PID1: variants seen among roughly 807,000 people sequenced by gnomAD.
The protein encoded by PID1 is PTB-containing, cubilin and LRP1-interacting protein.
A neutral mutation model predicts 19.1 loss-of-function variants in PID1; 10 were observed. That is an observed-to-expected ratio of 0.52 (90% CI 0.32 to 0.89). PID1 has a LOEUF of 0.89. PID1 is among the 40% of genes least tolerant of loss of function. The pLI, the probability that PID1 is intolerant of heterozygous loss-of-function variation, is 0.03. For missense variants in PID1, 248 were observed against 285.3 expected, an observed-to-expected ratio of 0.87 and a Z score of 0.94; for synonymous variants, 130 against 116.0, an observed-to-expected ratio of 1.12 and a Z score of -0.78.
chr2:229,150,130 A>T (rs992278358), intron 2 of PID1, among the ~76,000 whole-genome samples: 3 of 151,284 alleles, frequency 2.0e-5, no homozygotes, highest in Admixed American at 1.3e-4. Flanking sequence ...GCTACTCAGG[A>T]GGCTGAAGCA....
chr2:229,193,393 AG>A (rs778401907), intron 1 of PID1, among the ~76,000 whole-genome samples: 3 of 152,174 alleles, frequency 2.0e-5, no homozygotes, highest in Non-Finnish European at 4.4e-5. Flanking sequence ...TGCTGCTCTA[AG>A]GCTTGTTCTG....
At chr2:229,042,393 T>C (rs1466576533) in intron 2 of PID1, among the ~76,000 whole-genome samples, 1 of 152,202 alleles carries the variant, frequency 6.6e-6, no homozygotes, top group Non-Finnish European at 1.5e-5. Flanking sequence ...AGATGAAGAT[T>C]TTCATGAGCA....
intron 1 of PID1, among the ~76,000 whole-genome samples, chr2:229,175,839 A>G (rs575624966): frequency 3.3e-5 from 5 of 152,336 alleles, no homozygotes; most frequent in African/African-American, 1.2e-4. Flanking sequence ...TCCATTCGCC[A>G]CATTTAAATA....
At chr2:229,064,993 C>G (rs565894663) in intron 2 of PID1, among the ~76,000 whole-genome samples, 1 of 152,172 alleles carries the variant, frequency 6.6e-6, no homozygotes, top group East Asian at 1.9e-4. Context: ...CTGGAGTAGC[C>G]TTTTAAGTGA....
At chr2:229,035,506 A>ATGTGTG (rs3083806) in intron 2 of PID1, among the ~76,000 whole-genome samples, 31 of 148,268 alleles carry the variant, frequency 2.1e-4, no homozygotes, top group South Asian at 4.4e-4. Context: ...AATCATTTAT[A>ATGTGTG]TGTGTGTGTG....
At chr2:229,240,293 A>C (rs753720725) in intron 1 of PID1, among the ~76,000 whole-genome samples, 12 of 152,280 alleles carry the variant, frequency 7.9e-5, no homozygotes, top group South Asian at 6.2e-4. Flanking sequence ...ACATTCTGTG[A>C]ATAAAGGATT....
At chr2:229,104,950 GACAGAC>G (rs1455782605) in intron 2 of PID1, among the ~76,000 whole-genome samples, 11 of 152,168 alleles carry the variant, frequency 7.2e-5, no homozygotes, top group African/African-American at 2.7e-4. Context: ...GAAAAATACA[GACAGAC>G]ACAGACACAA....
At chr2:229,174,365 T>A (rs190465119) in intron 1 of PID1, among the ~76,000 whole-genome samples, 3 of 152,166 alleles carry the variant, frequency 2.0e-5, no homozygotes, top group African/African-American at 7.2e-5. Flanking sequence ...CACGGTCAGG[T>A]AATGTAGAAA....
intron 1 of PID1, among the ~76,000 whole-genome samples, chr2:229,210,745 C>CT (rs1207193053): frequency 6.6e-6 from 1 of 151,986 alleles, no homozygotes; most frequent in African/African-American, 2.4e-5. Context: ...CAGCAGTGAA[C>CT]TTTGGCAGTT....
intron 2 of PID1, among the ~76,000 whole-genome samples, chr2:229,044,641 T>C (rs1336727961): frequency 6.6e-6 from 1 of 152,222 alleles, no homozygotes; most frequent in African/African-American, 2.4e-5. Flanking sequence ...AGATAAGTCT[T>C]TGTGCTCATC....
At chr2:229,106,304 C>T (rs1183981349) in intron 2 of PID1, among the ~76,000 whole-genome samples, 1 of 152,082 alleles carries the variant, frequency 6.6e-6, no homozygotes, top group Admixed American at 6.5e-5. Context: ...TCATGATTAC[C>T]ACTTTGAGAG....
rs1358126870 is a variant in PID1, at chr2:229,271,220, C to T, written c.-177G>A. ...GCTGCGAGCAGGAGGAGGCGCGGCG[C>T]TCAGCTGCCGGCAACTTGTGGGCAC... On this transcript the variant is annotated 5_prime_UTR_variant, in exon 1 of 3. Transcript: ENST00000392055. The T allele has an allele frequency of 1.0e-5, 6 of 574,064 alleles. No individual in the cohort carries two copies. The Admixed American group carries it at 1.2e-4, about 12-fold the overall frequency. The allele number at this position is 574,064 out of a possible 1,614,324, so 35.6% of individuals were successfully genotyped here.
rs139242598 is a variant in PID1, at chr2:229,189,115, G to A, written c.31-33151C>T. On this transcript the variant is annotated intron_variant, in intron 1 of 2. Coordinates refer to ENST00000392055, the MANE Select transcript of PID1 (RefSeq NM_001100818.2). ...GTCTATTAACCACATCTCATTTACC[G>A]TCATACACAGCAGCTGGGTGTGGTT... is the stretch of plus-strand genomic sequence containing the variant. Among the ~76,000 whole-genome samples, 286 of 152,258 alleles carry A rather than the reference G, an allele frequency of 1.9e-3. 1 individual carries two copies. Among genetic ancestry groups the A allele is most frequent in the African/African-American group, 6.2e-3 (257 of 41,534 alleles).
chr2:229,196,923 T>C (rs1384099421), intron 1 of PID1, among the ~76,000 whole-genome samples: 4 of 152,032 alleles, frequency 2.6e-5, no homozygotes, highest in Admixed American at 2.6e-4. Context: ...GTAGCATTGA[T>C]ACACTAGTAT....
intron 2 of PID1, among the ~76,000 whole-genome samples, chr2:229,062,271 T>C (rs1694228042): frequency 6.6e-6 from 1 of 151,982 alleles, no homozygotes; most frequent in African/African-American, 2.4e-5. Flanking sequence ...CTTCTGTGGC[T>C]AATTTGCTGA....
At chr2:229,150,044 C>T (rs753468764) in intron 2 of PID1, among the ~76,000 whole-genome samples, 6 of 151,896 alleles carry the variant, frequency 4.0e-5, no homozygotes, top group Non-Finnish European at 8.8e-5. Context: ...GCGAGACCAG[C>T]CTGGCCAACA....
chr2:229,054,602 C>T (rs1331700488), intron 2 of PID1, among the ~76,000 whole-genome samples: 1 of 151,312 alleles, frequency 6.6e-6, no homozygotes, highest in African/African-American at 2.4e-5. Context: ...GGTACATTGT[C>T]TAGACCCTAG....
chr2:229,188,096 C>T (rs908278685), intron 1 of PID1, among the ~76,000 whole-genome samples: 4 of 152,116 alleles, frequency 2.6e-5, no homozygotes, highest in Non-Finnish European at 4.4e-5. Flanking sequence ...ATTACAAATA[C>T]ACATCATCAA....
intron 2 of PID1, among the ~76,000 whole-genome samples, chr2:229,028,817 C>T (rs16825596): frequency 0.55 from 83,648 of 152,014 alleles, 23,202 homozygotes; most frequent in Non-Finnish European, 0.59. Flanking sequence ...CGCTAATGAG[C>T]GTATTATGAG....
Sources: gnomAD v4.1 joint callset for allele counts (sites outside exome capture counted in the v4.1 genomes callset) on GRCh38, gnomAD v4.1.1 for gene constraint, MANE v1.5 for transcripts, NCBI Gene and HGNC (gene_info 2026-07-23, HGNC 2026-07-21) for gene names.